The following CSMD1 variants were observed in gnomAD, a reference collection of about 807,000 sequenced individuals.
The protein encoded by CSMD1 is CUB and Sushi multiple domains 1.
A neutral mutation model predicts 417.5 loss-of-function variants in CSMD1; 213 were observed. The observed-to-expected ratio is 0.51, with a 90% CI of 0.46 to 0.57. CSMD1 has a LOEUF of 0.57. CSMD1 is among the 20% of genes least tolerant of loss of function. CSMD1 has a pLI of 0.00. For missense variants in CSMD1, 6,923 were observed against 4,529.7 expected, an observed-to-expected ratio of 1.53 and a Z score of -15.17; for synonymous variants, 2,862 against 1,736.8, an observed-to-expected ratio of 1.65 and a Z score of -16.11.
At chr8:4,841,231 C>G (rs147086918) in intron 1 of CSMD1, among the ~76,000 whole-genome samples, 330 of 152,316 alleles carry the variant, frequency 2.2e-3, no homozygotes, top group African/African-American at 7.7e-3. Flanking sequence ...AAAAGGGAAA[C>G]AAGTGCAATG....
At chr8:3,693,463 G>GATACTGAA (rs1800366590) in intron 7 of CSMD1, among the ~76,000 whole-genome samples, 1 of 152,106 alleles carries the variant, frequency 6.6e-6, no homozygotes, top group Non-Finnish European at 1.5e-5. Flanking sequence ...ACGAGGAGTT[G>GATACTGAA]ATACTGAAAT....
chr8:3,292,804 TTGG>T lies in CSMD1; in HGVS notation c.3951-8461_3951-8459del, dbSNP rs1421324879. ...CAATTTGCCAGTCTCTGTCTTTTAA[TTGG>T]AGCATTTAGCCCATTTACATTTAAG... On this transcript the variant is annotated intron_variant, in intron 25 of 69. Coordinates refer to ENST00000635120, the MANE Select transcript of CSMD1 (RefSeq NM_033225.6). 2.3e-3 allele frequency among the ~76,000 whole-genome samples: 351 copies of T among 152,312 alleles called. 1 individual carries two copies. The highest frequency in any genetic ancestry group is 8.2e-3 in the African/African-American group (339 of 41,564).
intron 41 of CSMD1, among the ~76,000 whole-genome samples, chr8:3,130,422 G>A (rs1469828193): frequency 6.6e-6 from 1 of 151,828 alleles, no homozygotes; most frequent in Non-Finnish European, 1.5e-5. Flanking sequence ...TGCTTCCCCT[G>A]CTCTACTCTT....
intron 5 of CSMD1, among the ~76,000 whole-genome samples, chr8:3,805,553 G>T (rs1038880536): frequency 6.6e-6 from 1 of 152,068 alleles, no homozygotes; most frequent in African/African-American, 2.4e-5. Flanking sequence ...AAGATTTTTT[G>T]TTTGTTTGCA....
At chr8:4,399,724 C>G (rs930833227) in intron 3 of CSMD1, among the ~76,000 whole-genome samples, 3 of 152,082 alleles carry the variant, frequency 2.0e-5, no homozygotes, top group African/African-American at 7.2e-5. Flanking sequence ...TACCTTGAAT[C>G]TAATGAAGAC....
intron 68 of CSMD1, among the ~76,000 whole-genome samples, chr8:2,943,313 T>C (rs965588199): frequency 3.9e-5 from 6 of 152,048 alleles, no homozygotes; most frequent in African/African-American, 2.4e-5. Context: ...TTGCAACCTC[T>C]GTCTCCCAGG....
chr8:3,897,197 G>T (rs970963625), intron 5 of CSMD1, among the ~76,000 whole-genome samples: 1 of 152,166 alleles, frequency 6.6e-6, no homozygotes, highest in African/African-American at 2.4e-5. Context: ...ATGGTGTCAA[G>T]AAGTTATCAA....
intron 3 of CSMD1, among the ~76,000 whole-genome samples, chr8:4,065,290 C>T (rs955864202): frequency 6.6e-6 from 1 of 152,194 alleles, no homozygotes; most frequent in South Asian, 2.1e-4. Context: ...AGTGCTTCCC[C>T]ATCCCCCTCA....
At chr8:3,351,102 C>G (rs1474663978) in intron 21 of CSMD1, among the ~76,000 whole-genome samples, 1 of 152,186 alleles carries the variant, frequency 6.6e-6, no homozygotes, top group East Asian at 1.9e-4. Flanking sequence ...GAATAAGTAT[C>G]TCTCATAACC....
intron 5 of CSMD1, among the ~76,000 whole-genome samples, chr8:3,929,148 C>G (rs750908299): frequency 6.7e-6 from 1 of 150,106 alleles, no homozygotes; most frequent in Non-Finnish European, 1.5e-5. Flanking sequence ...TCTACTGCCC[C>G]CTCTGGAAGG....
chr8:3,980,579 T>A (rs77529076), intron 5 of CSMD1, among the ~76,000 whole-genome samples: 2,228 of 152,312 alleles, frequency 0.015, 48 homozygotes, highest in African/African-American at 0.048. Context: ...GTGAAAATAG[T>A]TTCCCCCCTT....
At chr8:4,761,718 G>C (rs1563318398) in intron 1 of CSMD1, among the ~76,000 whole-genome samples, 1 of 152,012 alleles carries the variant, frequency 6.6e-6, no homozygotes, top group South Asian at 2.1e-4. Flanking sequence ...TGTTTATTCT[G>C]AAGTAATGAA....
intron 5 of CSMD1, among the ~76,000 whole-genome samples, chr8:3,865,723 C>A (rs1415307860): frequency 2.0e-5 from 3 of 152,166 alleles, no homozygotes; most frequent in African/African-American, 4.8e-5. Flanking sequence ...AACAAAATCT[C>A]CATTCACAGC....
At chr8:4,266,781 G>A (rs140175033) in intron 3 of CSMD1, among the ~76,000 whole-genome samples, 1,371 of 104,676 alleles carry the variant, frequency 0.013, 218 homozygotes, top group African/African-American at 0.034. Context: ...TAGTAGCACA[G>A]AGAATCTAGA....
intron 18 of CSMD1, among the ~76,000 whole-genome samples, chr8:3,382,599 T>C (rs927663795): frequency 1.4e-5 from 2 of 143,230 alleles, no homozygotes; most frequent in Admixed American, 7.2e-5. Flanking sequence ...AATATCTCTA[T>C]ATAATATATA....
chr8:4,627,178 G>A (rs1346480370), intron 2 of CSMD1, among the ~76,000 whole-genome samples: 4 of 152,088 alleles, frequency 2.6e-5, no homozygotes, highest in Admixed American at 2.6e-4. Flanking sequence ...TATTCTGAAT[G>A]TTTAGCTACT....
chr8:3,685,740 T>A (rs932535434), intron 7 of CSMD1, among the ~76,000 whole-genome samples: 19 of 149,738 alleles, frequency 1.3e-4, no homozygotes, highest in East Asian at 2.0e-4. Context: ...TCTTTTTTTT[T>A]ATAACATGTT....
chr8:4,042,896 G>C (rs1232143573), intron 3 of CSMD1, among the ~76,000 whole-genome samples: 3 of 147,834 alleles, frequency 2.0e-5, no homozygotes, highest in Non-Finnish European at 3.0e-5. Flanking sequence ...GGGAGGCTGA[G>C]GTGGGAAGAT....
At chr8:3,868,999 C>A (rs541466038) in intron 5 of CSMD1, among the ~76,000 whole-genome samples, 1 of 152,206 alleles carries the variant, frequency 6.6e-6, no homozygotes, top group East Asian at 1.9e-4. Context: ...CGATGGCTTT[C>A]CAGCTCTCTC....
Sources: gnomAD v4.1 joint callset for allele counts (sites outside exome capture counted in the v4.1 genomes callset) on GRCh38, gnomAD v4.1.1 for gene constraint, MANE v1.5 for transcripts, NCBI Gene and HGNC (gene_info 2026-07-23, HGNC 2026-07-21) for gene names.